Variants in GGT7 observed in about 807,000 individuals in gnomAD.
The protein encoded by GGT7 is gamma-glutamyltransferase 7.
In GGT7, 30 loss-of-function variants were observed where a neutral mutation model predicts 69.2. The observed-to-expected ratio is 0.43, with a 90% CI of 0.32 to 0.59. The LOEUF (loss-of-function observed/expected upper bound fraction) is 0.59. Ranked by LOEUF, GGT7 falls within the 20% of genes least tolerant of loss-of-function variation. GGT7 has a pLI of 0.05. For synonymous variants in GGT7, 388 were observed against 391.8 expected (o/e 0.99, Z 0.12); for missense variants, 733 against 901.1 (o/e 0.81, Z 2.39).
Position 34,852,433 on chromosome 20 carries a change from C to A in GGT7, c.1425G>T (p.Gln475His). Reference protein sequence around the residue: ...YELDGAPTAAQVLIMGPDDFI... With the variant: ...YELDGAPTAAHVLIMGPDDFI... ...AGTCATCAGGTCCCATGATCAGCAC[C>A]TGGGCAGCCGTGGGAGCTCCGTCTA... The change falls in exon 11 of 15, where the codon CAG (glutamine) becomes CAT (histidine). Residue 475 changes from glutamine (Q) to histidine (H), a missense_variant. Physicochemically the swap from Gln to His is conservative, Grantham distance 24 (BLOSUM62 0). Transcript: ENST00000336431. 6.2e-7 allele frequency: 1 copy of A among 1,614,114 alleles called. No homozygotes were observed. Among genetic ancestry groups the A allele is most frequent in the Non-Finnish European group, 8.5e-7 (1 of 1,180,002 alleles).
chr20:34,856,563 C>T (rs1443026640), intron 8 of GGT7, among the ~76,000 whole-genome samples: 5 of 152,200 alleles, frequency 3.3e-5, no homozygotes, highest in African/African-American at 9.7e-5. Context: ...CCCCAACTTC[C>T]AGGTTGGACC....
chr20:34,862,955 T>G lies in GGT7; in HGVS notation c.416A>C (p.Gln139Pro). ...IYFGDPQIFQ[Q>P]GAVVTDAARC... Reference sequence around the variant, plus strand: ...GGCAGCATCGGTCACCACGGCACCCTGCTGGAAGATCTGGGAGGGGAAAGA... The same window carrying G: ...GGCAGCATCGGTCACCACGGCACCCGGCTGGAAGATCTGGGAGGGGAAAGA... Residue 139 changes from glutamine (Q) to proline (P), a missense_variant, in exon 3 of 15, where the codon CAG (glutamine) becomes CCG (proline). Transcript: ENST00000336431. 2.5e-6 allele frequency: 4 copies of G among 1,612,800 alleles called. No homozygotes were observed. Among genetic ancestry groups the G allele is most frequent in the Non-Finnish European group, 3.4e-6 (4 of 1,179,464 alleles).
intron 1 of GGT7, among the ~76,000 whole-genome samples, chr20:34,865,196 C>G (rs11696546): frequency 0.34 from 51,391 of 151,804 alleles, 9,148 homozygotes; most frequent in Middle Eastern, 0.41. Context: ...GAGACAGGGT[C>G]TGGCTCTGTC....
At chr20:34,860,078 C>T in intron 5 of GGT7, 36 bp from the exon 6 acceptor site, 2 of 471,280 alleles carry the variant, frequency 4.2e-6, no homozygotes, top group Non-Finnish European at 6.9e-6. Context: ...GGAGGAGGTC[C>T]TGGGGGAATG....
chr20:34,845,150 A>ACCACCACCACCACCACCACCC lies in GGT7; in HGVS notation c.*177_*178insGGGTGGTGGTGGTGGTGGTGG. ...CACCACCACCACCACCACCACCACC[A>ACCACCACCACCACCACCACCC]CCACAGGCCTCCTGATGGAGAATTT... is the stretch of plus-strand genomic sequence containing the variant. On this transcript the variant is annotated 3_prime_UTR_variant, in exon 15 of 15. Transcript: ENST00000336431. 6.7e-6 allele frequency: 2 copies of ACCACCACCACCACCACCACCC among 300,130 alleles called. No homozygotes were observed. The highest frequency in any genetic ancestry group is 2.8e-5 in the South Asian group (1 of 35,862). The allele number at this position is 300,130 out of a possible 1,614,324, so 18.6% of individuals were successfully genotyped here. A position where few individuals can be genotyped will look rare whatever the true frequency, so the allele number is the denominator to read the frequency against.
In GGT7 at chr20:34,852,394, C is replaced by T. The variant is rs2079410876; in HGVS notation, c.1464G>A (p.Met488Ile). ...IMGPDDFIVA[M>I]VSSLNQPFGS... ...CTGAGTCTGAGCTGGCATACCTAAC[C>T]ATGGCCACAATGAAGTCATCAGGTC... The change falls in exon 11 of 15, where the codon ATG becomes ATA. Residue 488 changes from methionine (M) to isoleucine (I), a missense_variant. Met to Ile is a conservative substitution (Grantham distance 10). Coordinates refer to ENST00000336431, the MANE Select transcript of GGT7 (RefSeq NM_178026.3). The T allele has an allele frequency of 6.2e-7, 1 of 1,613,986 alleles. No homozygotes were observed. The highest frequency in any genetic ancestry group is 1.1e-5 in the South Asian group (1 of 91,082).
At chr20:34,846,641 A>G (rs889259413) in intron 14 of GGT7, among the ~76,000 whole-genome samples, 9 of 152,060 alleles carry the variant, frequency 5.9e-5, no homozygotes, top group African/African-American at 2.2e-4. Context: ...TTCAAACAGC[A>G]GCCAAGGGGA....
At chr20:34,854,332 A>G (rs555940977) in intron 10 of GGT7, among the ~76,000 whole-genome samples, 199 bp downstream of exon 10, 2 of 152,358 alleles carry the variant, frequency 1.3e-5, no homozygotes, top group South Asian at 4.1e-4. Flanking sequence ...TAAGAGCCAC[A>G]TGAAGTAAGC....
chr20:34,866,546 CTTTTTT>C (rs11476486), intron 1 of GGT7, among the ~76,000 whole-genome samples: 2 of 147,366 alleles, frequency 1.4e-5, no homozygotes, highest in African/African-American at 5.0e-5. Context: ...CTCACTATTG[CTTTTTT>C]TTTTTTTATC....
intron 1 of GGT7, among the ~76,000 whole-genome samples, chr20:34,868,694 C>G (rs548741943): frequency 6.6e-6 from 1 of 152,154 alleles, no homozygotes; most frequent in African/African-American, 2.4e-5. Flanking sequence ...CAGTAACAGG[C>G]AATGTGAACA....
intron 1 of GGT7, chr20:34,872,419 TCTA>T (rs1568947477): frequency 2.6e-6 from 1 of 389,004 alleles, no homozygotes; most frequent in Non-Finnish European, 4.6e-6. Flanking sequence ...CCCAATCCCT[TCTA>T]CTGCAGTCCC....
chr20:34,854,588 C>G lies in GGT7; in HGVS notation c.1262G>C (p.Arg421Thr). ...AGAATCATAGACGGGATCTCCCAGT[C>G]TGCTGGCCAGGGCTAATGCAATCTT... ...TLKIALALAS[R>T]LGDPVYDSTI... Residue 421 changes from arginine to threonine, a missense_variant, in exon 10 of 15, where the codon AGA becomes ACA. By Grantham distance (71) the Arg-to-Thr change is moderately conservative (BLOSUM62 -1). Coordinates refer to ENST00000336431, the MANE Select transcript of GGT7 (RefSeq NM_178026.3). 3.7e-6 allele frequency: 6 copies of G among 1,613,446 alleles called. No homozygotes were observed. The highest frequency in any genetic ancestry group is 5.1e-6 in the Non-Finnish European group (6 of 1,179,442).
chr20:34,860,637 C>CTTTTTTTT lies in GGT7; in HGVS notation c.676-324_676-317dup, dbSNP rs533561120. Among the ~76,000 whole-genome samples the CTTTTTTTT allele has an allele frequency of 3.2e-4, 37 of 113,864 alleles. 1 individual carries two copies. Among genetic ancestry groups the CTTTTTTTT allele is most frequent in the South Asian group, 6.3e-4 (2 of 3,168 alleles). 74.7% of individuals were successfully genotyped at this position (113,864 alleles called of 152,430 possible). ...TACATTGGATTTCACCAACCCCTGCCTTTTTTTTTTTTTTTTTTTTTTTTT... is the reference window on the plus strand; with the variant it reads ...TACATTGGATTTCACCAACCCCTGCCTTTTTTTTTTTTTTTTTTTTTTTTTTTTTTTTT... On this transcript the variant is annotated intron_variant, in intron 4 of 14. Coordinates refer to ENST00000336431, the MANE Select transcript of GGT7 (RefSeq NM_178026.3).
At chr20:34,851,486 T>G in intron 12 of GGT7, 118 bp from the exon 13 acceptor site, 2 of 1,029,356 alleles carry the variant, frequency 1.9e-6, no homozygotes, top group Non-Finnish European at 2.8e-6. Flanking sequence ...AGGCCCAGTT[T>G]TCCTGGGAGA....
chr20:34,859,689 C>G (rs749979033), intron 6 of GGT7, 50 bp from the exon 7 acceptor site: 2 of 1,426,488 alleles, frequency 1.4e-6, no homozygotes, highest in Non-Finnish European at 1.9e-6. Flanking sequence ...AGGACTGGAC[C>G]GGATGAGACG....
At chr20:34,856,746 T>C (rs2079498484) in intron 8 of GGT7, 60 bp downstream of exon 8, 3 of 926,822 alleles carry the variant, frequency 3.2e-6, no homozygotes, top group Non-Finnish European at 5.3e-6. Flanking sequence ...CAAAACGATG[T>C]GGCCATGGAC....
At chr20:34,869,282 C>T (rs900251720) in intron 1 of GGT7, among the ~76,000 whole-genome samples, 5 of 152,276 alleles carry the variant, frequency 3.3e-5, no homozygotes, top group Middle Eastern at 3.4e-3. Flanking sequence ...ATCTGCCCAC[C>T]TCAGCCTCCC....
At chr20:34,871,098 A>G (rs1028496448) in intron 1 of GGT7, among the ~76,000 whole-genome samples, 2 of 152,242 alleles carry the variant, frequency 1.3e-5, no homozygotes, top group African/African-American at 4.8e-5. Flanking sequence ...TGGAGAAAGG[A>G]GAGTGAACAA....
intron 14 of GGT7, among the ~76,000 whole-genome samples, chr20:34,848,953 C>G (rs1019968686): frequency 6.6e-6 from 1 of 152,130 alleles, no homozygotes; most frequent in African/African-American, 2.4e-5. Flanking sequence ...AAATTAAGCC[C>G]TTTTCTTAGA....
Sources: allele counts gnomAD v4.1 joint callset (sites outside exome capture counted in the v4.1 genomes callset), GRCh38; gene constraint gnomAD v4.1.1; transcripts MANE v1.5; gene names NCBI Gene and HGNC (gene_info 2026-07-23, HGNC 2026-07-21).